The following TPCN2 variants were observed in gnomAD, a reference collection of about 807,000 sequenced individuals.
TPCN2 encodes two pore segment channel 2.
In TPCN2, 92 loss-of-function variants were observed where a neutral mutation model predicts 111.4. The observed-to-expected ratio is 0.83, with a 90% CI of 0.70 to 0.98. The LOEUF (loss-of-function observed/expected upper bound fraction) is 0.98. TPCN2 is among the 50% of genes least tolerant of loss of function. The pLI is 0.00. For missense variants in TPCN2, 995 were observed against 980.1 expected (o/e 1.02, Z -0.20); for synonymous variants, 405 against 414.5 (o/e 0.98, Z 0.28).
intron 22 of TPCN2, among the ~76,000 whole-genome samples, chr11:69,086,141 G>A (rs1856263494): frequency 6.6e-6 from 1 of 152,232 alleles, no homozygotes; most frequent in Non-Finnish European, 1.5e-5. Context: ...GGTGGCCAGT[G>A]ACTCTGGGTT....
At chr11:69,077,201 A>G (rs1461737388) in intron 13 of TPCN2, among the ~76,000 whole-genome samples, 200 of 38,038 alleles carry the variant, frequency 5.3e-3, no homozygotes, top group African/African-American at 0.014. Flanking sequence ...CCCTCCTGCC[A>G]TGTCCCTCCA....
chr11:69,085,249 T>C lies in TPCN2; in HGVS notation c.1801T>C (p.Phe601Leu), dbSNP rs1487023965. The C allele has an allele frequency of 6.2e-7, 1 of 1,614,040 alleles. No homozygotes were observed. The highest frequency in any genetic ancestry group is 1.3e-5 in the African/African-American group (1 of 75,004). The change falls in exon 20 of 25, where the codon TTT becomes CTT. Residue 601 changes from phenylalanine to leucine, a missense_variant. Transcript: ENST00000294309. The stretch of plus-strand genomic sequence containing the variant: ...ATTTGCCATCATTGGGATCAACTTG[T>C]TTAGAGGCGTCATTGTGGCTCTTCC... ...YVFAIIGINL[F>L]RGVIVALPGN...
At position 69,089,361 on chromosome 11, in the gene TPCN2, GCACC is replaced by G. The variant is rs1856377915; in HGVS notation, c.*1410_*1413del. ...CTTGAGTGGTTGCCGTTCTGGCCCTGCACCCTCTGTGCTTTGGGACGGCGTCCAA... is the reference window on the plus strand; with the variant it reads ...CTTGAGTGGTTGCCGTTCTGGCCCTGCTCTGTGCTTTGGGACGGCGTCCAA... On this transcript the variant is annotated 3_prime_UTR_variant, in exon 25 of 25. Transcript: ENST00000294309. 2 of 152,376 alleles carry G rather than the reference GCACC, an allele frequency of 1.3e-5. No homozygotes were observed. Among genetic ancestry groups the G allele is most frequent in the Admixed American group, 1.3e-4 (2 of 15,304 alleles). The allele number at this position is 152,376 out of a possible 1,614,324, so 9.4% of individuals were successfully genotyped here. A position where few individuals can be genotyped will look rare whatever the true frequency, so the allele number is the denominator to read the frequency against.
In TPCN2 at chr11:69,054,730, A is replaced by G. The variant is rs1326316995; in HGVS notation, c.184A>G (p.Ile62Val). 12 of 1,613,978 alleles carry G rather than the reference A, an allele frequency of 7.4e-6. No homozygotes were observed. The highest frequency in any genetic ancestry group is 1.7e-6 in the Non-Finnish European group (2 of 1,179,984). ...FIEDAIQYRS[I>V]NHRVDASSMW... ...GACTTTTCGCTTGTAGTACCGCTCC[A>G]TCAACCACCGGGTGGATGCCAGCTC... is the stretch of plus-strand genomic sequence containing the variant. The change falls in exon 3 of 25, where the codon ATC (isoleucine) becomes GTC (valine). Residue 62 changes from isoleucine (I) to valine (V), a missense_variant. Coordinates refer to ENST00000294309, the MANE Select transcript of TPCN2 (RefSeq NM_139075.4).
chr11:69,056,472 T>C (rs7942690), intron 4 of TPCN2, among the ~76,000 whole-genome samples: 120,761 of 152,186 alleles, frequency 0.79, 52,210 homozygotes, highest in Non-Finnish European at 0.99. Flanking sequence ...GTTTGAGAAG[T>C]GTCAAAAGGT....
chr11:69,050,582 TG>T (rs1215574548), intron 1 of TPCN2, among the ~76,000 whole-genome samples: 15 of 152,352 alleles, frequency 9.8e-5, no homozygotes, highest in South Asian at 8.3e-4. Context: ...TTCACTGTGT[TG>T]GCCAGGGTGG....
intron 19 of TPCN2, among the ~76,000 whole-genome samples, 168 bp downstream of exon 19, chr11:69,084,184 G>T (rs1042712462): frequency 6.6e-6 from 1 of 152,234 alleles, no homozygotes; most frequent in Non-Finnish European, 1.5e-5. Flanking sequence ...GGGGTAAGAA[G>T]CCAGAGGCAT....
rs1856388882 is a variant in TPCN2 at position 69,089,912 on chromosome 11, T to G, written c.*1959T>G. ...CCGTGGGAGCCCCTTCTTCTGCCTT[T>G]TGTGTTTTTTTTGTTATGTACCTAC... On this transcript the variant is annotated 3_prime_UTR_variant, in exon 25 of 25. Transcript: ENST00000294309. 8.2e-6 allele frequency: 1 copy of G among 121,492 alleles called. No homozygotes were observed. The highest frequency in any genetic ancestry group is 2.8e-5 in the African/African-American group (1 of 35,742). 7.5% of individuals were successfully genotyped at this position (121,492 alleles called of 1,614,324 possible). A position where few individuals can be genotyped will look rare whatever the true frequency, so the allele number is the denominator to read the frequency against.
intron 2 of TPCN2, chr11:69,054,505 G>A (rs375029489): frequency 1.9e-5 from 11 of 587,314 alleles, no homozygotes; most frequent in East Asian, 1.7e-4. Flanking sequence ...CACCCACCCC[G>A]GGTGTGTGGC....
At chr11:69,078,350 T>G in intron 13 of TPCN2, 132 bp from the exon 14 acceptor site, 1 of 1,160,916 alleles carries the variant, frequency 8.6e-7, no homozygotes, top group Non-Finnish European at 1.2e-6. Context: ...TTATTTCCTG[T>G]GGCTGGATAG....
intron 3 of TPCN2, 52 bp downstream of exon 3, chr11:69,054,849 G>A (rs1389872633): frequency 1.3e-6 from 2 of 1,581,494 alleles, no homozygotes; most frequent in Admixed American, 1.7e-5. Context: ...TGCGTGGCAG[G>A]GGAGGCTGGC....
At position 69,083,949 on chromosome 11, in the gene TPCN2, T is replaced by C; in HGVS notation, c.1694T>C (p.Met565Thr). The C allele has an allele frequency of 6.2e-6, 10 of 1,614,128 alleles. No homozygotes were observed. The highest frequency in any genetic ancestry group is 8.5e-6 in the Non-Finnish European group (10 of 1,180,008). The change falls in exon 19 of 25, where the codon ATG becomes ACG. Residue 565 changes from methionine to threonine, a missense_variant. Physicochemically the swap from Met to Thr is moderately conservative, Grantham distance 81. Coordinates refer to ENST00000294309, the MANE Select transcript of TPCN2 (RefSeq NM_139075.4). ...FLRIIPSMKL[M>T]AVVASTVLGL... is the part of the protein sequence containing the mutation. ...GTGCTCTCTTCCTGTCCTCAGCTGA[T>C]GGCCGTGGTGGCCAGTACCGTCCTG...
At chr11:69,065,371 G>A (rs1042336118) in intron 7 of TPCN2, among the ~76,000 whole-genome samples, 45 of 152,286 alleles carry the variant, frequency 3.0e-4, no homozygotes, top group Non-Finnish European at 4.7e-4. Context: ...CCTCGACCCC[G>A]GGAAAGCCGA....
intron 13 of TPCN2, among the ~76,000 whole-genome samples, chr11:69,077,847 T>G (rs547738539): frequency 1.2e-4 from 19 of 152,298 alleles, no homozygotes; most frequent in African/African-American, 4.6e-4. Flanking sequence ...GAGTGTTGAA[T>G]TTTGTTGCAT....
At chr11:69,085,330 C>A in intron 20 of TPCN2, 44 bp downstream of exon 20, 1 of 543,146 alleles carries the variant, frequency 1.8e-6, no homozygotes, top group Non-Finnish European at 3.7e-6. Context: ...CTCAGGGGTG[C>A]TGGGGTGGGC....
intron 5 of TPCN2, among the ~76,000 whole-genome samples, chr11:69,061,493 A>G (rs1855019905): frequency 6.6e-6 from 1 of 152,182 alleles, no homozygotes; most frequent in Admixed American, 6.5e-5. Flanking sequence ...CCAAAGTGTA[A>G]ACGAGATACT....
chr11:69,071,736 G>C (rs1855544567), intron 10 of TPCN2, among the ~76,000 whole-genome samples, 187 bp from the exon 11 acceptor site: 1 of 152,166 alleles, frequency 6.6e-6, no homozygotes, highest in Admixed American at 6.5e-5. Context: ...TGTGCGGCCT[G>C]TCCCGGGAGT....
In TPCN2 at chr11:69,067,489, G is replaced by C. The variant is rs755776019; in HGVS notation, c.727-14G>C. On this transcript the variant is annotated splice_polypyrimidine_tract_variant and intron_variant, in intron 7 of 24. Transcript: ENST00000294309. ...GACCCAGTGGTGCCCTGGAGCTGCC[G>C]CTTCTGCTCTTAGCAGGATGATGGG... is the stretch of plus-strand genomic sequence containing the variant. 1.9e-6 allele frequency: 3 copies of C among 1,610,668 alleles called. No individual in the cohort carries two copies. In the Admixed American group the frequency reaches 5.0e-5, roughly 27 times the overall value.
rs548149108 is a variant in TPCN2, at chr11:69,078,994, G to C, written c.1513G>C (p.Asp505His). Residue 505 changes from aspartate to histidine, a missense_variant, in exon 16 of 25, where the codon GAC becomes CAC. Physicochemically the swap from Asp to His is moderately conservative, Grantham distance 81 (BLOSUM62 -1). Transcript: ENST00000294309. ...GYLSYPSNVF[D>H]GLLTVVLLVL... ...CCTGTCCTACCCCAGCAACGTGTTT[G>C]ACGGGCTCCTCACCGTTGTCCTGCT... 1 of 1,613,452 alleles carries C rather than the reference G, an allele frequency of 6.2e-7. No individual in the cohort carries two copies. The highest frequency in any genetic ancestry group is 8.5e-7 in the Non-Finnish European group (1 of 1,179,732).
Sources: gnomAD v4.1 joint callset for allele counts (sites outside exome capture counted in the v4.1 genomes callset) on GRCh38, gnomAD v4.1.1 for gene constraint, MANE v1.5 for transcripts, NCBI Gene and HGNC (gene_info 2026-07-23, HGNC 2026-07-21) for gene names.